The following SNX14 variants were observed in gnomAD, a reference collection of about 807,000 sequenced individuals.
SNX14 encodes sorting nexin 14.
SNX14 carries 93 observed loss-of-function variants against 133.8 expected under a neutral mutation model. The ratio of observed to expected loss-of-function variants is 0.70; its 90% CI spans 0.59 to 0.83. The LOEUF is 0.83. Among genes scored for constraint, SNX14 ranks in the 40% least tolerant of loss-of-function variants. The pLI, the probability that SNX14 is intolerant of heterozygous loss-of-function variation, is 0.00. For missense variants in SNX14, 945 were observed against 1,094.9 expected, an observed-to-expected ratio of 0.86 and a Z score of 1.93; for synonymous variants, 368 against 365.6, an observed-to-expected ratio of 1.01 and a Z score of -0.07.
chr6:85,528,046 G>A (rs1213845068), intron 20 of SNX14, among the ~76,000 whole-genome samples: 1 of 151,702 alleles, frequency 6.6e-6, no homozygotes, highest in Non-Finnish European at 1.5e-5. Context: ...CTTCCCCTAA[G>A]AAAATATCTT....
intron 6 of SNX14, among the ~76,000 whole-genome samples, chr6:85,561,767 A>G (rs1487771902): frequency 2.0e-5 from 3 of 152,140 alleles, no homozygotes; most frequent in Non-Finnish European, 4.4e-5. Context: ...TTGTTTTCAA[A>G]GTAGAAAAAT....
chr6:85,546,685 G>A (rs1785611954), intron 12 of SNX14, among the ~76,000 whole-genome samples: 2 of 151,988 alleles, frequency 1.3e-5, no homozygotes, highest in Admixed American at 6.6e-5. Flanking sequence ...GTATATGGCC[G>A]GGCGCGGTGG....
chr6:85,520,912 A>G (rs1191894924), intron 21 of SNX14, among the ~76,000 whole-genome samples: 1 of 152,192 alleles, frequency 6.6e-6, no homozygotes, highest in African/African-American at 2.4e-5. Context: ...CTATACAAAG[A>G]ACTCTACTAT....
chr6:85,507,727 T>A (rs1771220912), intron 27 of SNX14, among the ~76,000 whole-genome samples: 1 of 152,178 alleles, frequency 6.6e-6, no homozygotes. Context: ...ATGAATTTTC[T>A]ATGCCAAATT....
chr6:85,586,880 C>T (rs975856221), intron 1 of SNX14, among the ~76,000 whole-genome samples: 6 of 151,946 alleles, frequency 3.9e-5, no homozygotes, highest in Admixed American at 2.0e-4. Context: ...TGGGAGTCTC[C>T]ACTAAAAACA....
intron 1 of SNX14, chr6:85,589,323 G>C (rs985637240): frequency 2.6e-5 from 4 of 155,154 alleles, no homozygotes; most frequent in Admixed American, 1.9e-4. Flanking sequence ...AGGCTCAACT[G>C]ATCTTCCCCA....
intron 1 of SNX14, among the ~76,000 whole-genome samples, chr6:85,578,927 G>A (rs1272761593): frequency 3.3e-5 from 5 of 152,130 alleles, no homozygotes; most frequent in African/African-American, 1.2e-4. Context: ...CCTGAGCTCA[G>A]GAGTTCGAGA....
intron 21 of SNX14, among the ~76,000 whole-genome samples, chr6:85,518,344 A>C (rs566983059): frequency 1.3e-5 from 2 of 152,282 alleles, no homozygotes; most frequent in African/African-American, 4.8e-5. Flanking sequence ...TTATTACATA[A>C]TTTTGTCTAC....
intron 12 of SNX14, 78 bp from the exon 13 acceptor site, chr6:85,543,838 T>G: frequency 1.2e-6 from 1 of 853,454 alleles, no homozygotes; most frequent in Non-Finnish European, 1.6e-6. Context: ...CCATTCTAAT[T>G]GTAGCCAATA....
rs771567204 is a variant in SNX14 at position 85,565,318 on chromosome 6, T to C, written c.549+14A>G. 7 of 1,520,672 alleles carry C rather than the reference T, an allele frequency of 4.6e-6. No individual in the cohort carries two copies. In the East Asian group the frequency reaches 1.4e-4, roughly 30 times the overall value. 94.2% of individuals were successfully genotyped at this position (1,520,672 alleles called of 1,614,324 possible). On this transcript the variant is annotated intron_variant, in intron 6 of 28. Transcript: ENST00000314673. ...AAGCCCCAAATTCCCAAATTTCTCA[T>C]TAAAAATATATACCTTGTGAATCCT...
intron 5 of SNX14, among the ~76,000 whole-genome samples, chr6:85,566,772 ACAT>A (rs1288512098): frequency 3.3e-5 from 5 of 152,142 alleles, no homozygotes; most frequent in Non-Finnish European, 7.4e-5. Context: ...ATGTCATTAA[ACAT>A]CATATGTATA....
rs746721196 is a variant in SNX14 at position 85,516,632 on chromosome 6, CTTTTTTTTTTTTTT to C, written c.2268+1110_2268+1123del. Among the ~76,000 whole-genome samples the C allele has an allele frequency of 1.4e-3, 179 of 126,448 alleles. 1 individual carries two copies. Among genetic ancestry groups the C allele is most frequent in the African/African-American group, 5.1e-3 (163 of 31,656 alleles). 83.0% of individuals were successfully genotyped at this position (126,448 alleles called of 152,430 possible). ...AAACATGAATGTAAACTTCCTTAAT[CTTTTTTTTTTTTTT>C]TTTTTTTTGGAGACAGAGTCTTGCT... On this transcript the variant is annotated intron_variant, in intron 23 of 28. Transcript: ENST00000314673.
intron 4 of SNX14, 130 bp downstream of exon 4, chr6:85,572,007 C>T: frequency 1.5e-6 from 1 of 678,258 alleles, no homozygotes; most frequent in East Asian, 2.8e-5. Context: ...CAATAATCAA[C>T]TGCCTCAGAA....
At chr6:85,582,177 G>C (rs1799241330) in intron 1 of SNX14, among the ~76,000 whole-genome samples, 1 of 152,108 alleles carries the variant, frequency 6.6e-6, no homozygotes, top group Admixed American at 6.6e-5. Flanking sequence ...TTACAGGTCA[G>C]GAGAGACATA....
intron 6 of SNX14, among the ~76,000 whole-genome samples, chr6:85,559,680 T>C (rs930935845): frequency 1.3e-5 from 2 of 152,164 alleles, no homozygotes; most frequent in Non-Finnish European, 2.9e-5. Flanking sequence ...CCATTTATCT[T>C]CCAGGATAGT....
At position 85,549,778 on chromosome 6, in the gene SNX14, TC is replaced by T. The variant is rs1188540852; in HGVS notation, c.735del (p.Lys246AsnfsTer21). The T allele has an allele frequency of 1.2e-6, 2 of 1,613,886 alleles. No individual in the cohort carries two copies. The highest frequency in any genetic ancestry group is 2.7e-5 in the African/African-American group (2 of 74,950). On this transcript the variant is annotated frameshift_variant, in exon 8 of 29. Coordinates refer to ENST00000314673, the MANE Select transcript of SNX14 (RefSeq NM_153816.6). LOFTEE classifies it high-confidence loss of function. ...TAAGGAAAAAGCAGTTCAGTAAGTT[TC>T]CTTAAATAGTGCAATTCATCTCTTC... Reference protein sequence around the residue: ...RSRRDELHYLRKLTELLFPYI... With the variant: ...RSRRDELHYLXKLTELLFPYI...
intron 7 of SNX14, among the ~76,000 whole-genome samples, chr6:85,556,779 A>T (rs1789954282): frequency 6.6e-6 from 1 of 152,148 alleles, no homozygotes; most frequent in Non-Finnish European, 1.5e-5. Context: ...CTATGTTGAA[A>T]GTAAAATTAT....
rs1222759177 is a variant in SNX14 at position 85,593,671 on chromosome 6, C to T, written c.48G>A (p.Leu16=). The T allele has an allele frequency of 6.2e-7, 1 of 1,613,386 alleles. No individual in the cohort carries two copies. Among genetic ancestry groups the T allele is most frequent in the East Asian group, 2.2e-5 (1 of 44,874 alleles). ...RTMGQKLKQR[L]RLDVGREICR... is the part of the protein sequence containing the mutation. ...AGATCTCGCGTCCCACGTCCAGTCG[C>T]AGCCGCTGCTTCAGCTTCTGCCCCA... is the stretch of plus-strand genomic sequence containing the variant. Residue 16 remains leucine (L), a synonymous_variant, in exon 1 of 29, where the codon CTG becomes CTA. Transcript: ENST00000314673.
intron 7 of SNX14, among the ~76,000 whole-genome samples, chr6:85,553,678 C>T (rs1051591646): frequency 3.3e-4 from 50 of 151,670 alleles, no homozygotes; most frequent in Admixed American, 2.8e-3. Flanking sequence ...CCCAGCTACT[C>T]GGGAGGCTGA....
Sources: gnomAD v4.1 joint callset for allele counts (sites outside exome capture counted in the v4.1 genomes callset) on GRCh38, gnomAD v4.1.1 for gene constraint, MANE v1.5 for transcripts, NCBI Gene and HGNC (gene_info 2026-07-23, HGNC 2026-07-21) for gene names.